DHRSX: variants seen among roughly 807,000 people sequenced by gnomAD.
DHRSX encodes dehydrogenase/reductase X-linked, also known as polyprenol dehydrogenase.
In DHRSX, 31 loss-of-function variants were observed where a neutral mutation model predicts 34.0. That is an observed-to-expected ratio of 0.91 (90% CI 0.69 to 1.23). The LOEUF (loss-of-function observed/expected upper bound fraction) is 1.23, where lower values mean the gene tolerates loss of function less well. Ranked by LOEUF, DHRSX falls within the 50% of genes most tolerant of loss-of-function variation. The probability of loss-of-function intolerance (pLI) is 0.00; values close to 1 mark genes in which losing one functional copy is unlikely to be tolerated. For missense variants in DHRSX, 414 were observed against 428.1 expected (o/e 0.97, Z 0.29); for synonymous variants, 201 against 183.8 (o/e 1.09, Z -0.76).
chrX:2,303,122 G>T (rs1207595216), intron 3 of DHRSX, among the ~76,000 whole-genome samples: 1 of 152,140 alleles, frequency 6.6e-6, no homozygotes, highest in Non-Finnish European at 1.5e-5. Context: ...AAAAACAGCA[G>T]TGTGAATGGA....
At chrX:2,244,767 A>G (rs2016238369) in intron 5 of DHRSX, among the ~76,000 whole-genome samples, 1 of 151,910 alleles carries the variant, frequency 6.6e-6, no homozygotes, top group Non-Finnish European at 1.5e-5. Flanking sequence ...GCTGGAGTAC[A>G]GTGGCGTGAT....
chrX:2,391,705 C>T (rs2043337272), intron 3 of DHRSX, among the ~76,000 whole-genome samples: 2 of 152,132 alleles, frequency 1.3e-5, no homozygotes. Flanking sequence ...GTGGGCAGAT[C>T]ACCTGAGGTC....
At chrX:2,402,458 T>C (rs1312433980) in intron 3 of DHRSX, among the ~76,000 whole-genome samples, 2 of 152,160 alleles carry the variant, frequency 1.3e-5, no homozygotes, top group African/African-American at 4.8e-5. Context: ...TAAGATGTTG[T>C]GGGCAGCAGA....
chrX:2,298,985 CAAAAAAAAAAAAAAAA>C (rs1162323678), intron 3 of DHRSX, among the ~76,000 whole-genome samples: 9 of 88,536 alleles, frequency 1.0e-4, no homozygotes, highest in African/African-American at 4.9e-4. Context: ...AACTCTGTCT[CAAAAAAAAAAAAAAAA>C]AAAAAAAAAA....
At chrX:2,309,781 T>G in intron 3 of DHRSX, among the ~76,000 whole-genome samples, 1 of 152,212 alleles carries the variant, frequency 6.6e-6, no homozygotes, top group Non-Finnish European at 1.5e-5. Context: ...AGTGTGGTGG[T>G]GCATGTCTGC....
intron 3 of DHRSX, among the ~76,000 whole-genome samples, chrX:2,363,094 ATGG>A: frequency 7.9e-6 from 1 of 126,398 alleles, no homozygotes; most frequent in Non-Finnish European, 1.6e-5. Flanking sequence ...TCACCGTTCT[ATGG>A]TATCATGCCG....
chrX:2,287,340 T>C (rs1213813190), intron 4 of DHRSX, among the ~76,000 whole-genome samples: 8 of 151,850 alleles, frequency 5.3e-5, no homozygotes, highest in Admixed American at 3.3e-4. Context: ...GACAGAATAA[T>C]GGCCCCAAAA....
At chrX:2,261,432 T>C (rs35731332) in intron 5 of DHRSX, 106,299 of 151,816 alleles carry the variant, frequency 0.7, 38,565 homozygotes, top group African/African-American at 0.8. Flanking sequence ...TCATTTCTGT[T>C]GGGTGGGGTT....
intron 5 of DHRSX, among the ~76,000 whole-genome samples, chrX:2,249,681 G>T (rs1050279330): frequency 6.6e-6 from 1 of 151,068 alleles, no homozygotes; most frequent in Non-Finnish European, 1.5e-5. Flanking sequence ...CTACCATCAC[G>T]CCCAGCTAAT....
At chrX:2,494,121 A>G (rs2045225949) in intron 1 of DHRSX, among the ~76,000 whole-genome samples, 1 of 151,974 alleles carries the variant, frequency 6.6e-6, no homozygotes, top group South Asian at 2.1e-4. Flanking sequence ...GCAAACATCC[A>G]TATTCTATTA....
chrX:2,256,407 T>C (rs2041279898), intron 5 of DHRSX, among the ~76,000 whole-genome samples: 1 of 151,666 alleles, frequency 6.6e-6, no homozygotes, highest in Non-Finnish European at 1.5e-5. Context: ...ACAATTCTCC[T>C]GCTTCAGCCT....
At chrX:2,359,457 C>A (rs1028401952) in intron 3 of DHRSX, among the ~76,000 whole-genome samples, 2 of 152,110 alleles carry the variant, frequency 1.3e-5, no homozygotes, top group Non-Finnish European at 2.9e-5. Context: ...GCGGGTGGAT[C>A]GCGAGGTCAG....
intron 3 of DHRSX, among the ~76,000 whole-genome samples, chrX:2,352,809 T>C (rs1224703535): frequency 6.6e-6 from 1 of 152,156 alleles, no homozygotes; most frequent in Non-Finnish European, 1.5e-5. Context: ...TGAAGGGCTA[T>C]AGGGACCAGC....
Position 2,357,821 on chromosome X carries a change from C to T in DHRSX, c.286+50924G>A, listed in dbSNP as rs1446374105. On this transcript the variant is annotated intron_variant, in intron 3 of 6. Coordinates refer to ENST00000334651, the MANE Select transcript of DHRSX (RefSeq NM_145177.3). ...TCACTAAGCCATTCATAGGGAAAGA[C>T]AGGCACTGTGTGTCAGATCAAGGAT... Among the ~76,000 whole-genome samples, 3 of 151,782 alleles carry T rather than the reference C, an allele frequency of 2.0e-5. No individual in the cohort carries two copies. The East Asian group carries it at 5.8e-4, about 29-fold the overall frequency.
At chrX:2,468,766 T>A (rs973906844) in intron 1 of DHRSX, among the ~76,000 whole-genome samples, 2 of 150,522 alleles carry the variant, frequency 1.3e-5, no homozygotes, top group Non-Finnish European at 2.9e-5. Flanking sequence ...ACCACCACCG[T>A]GTACACACTG....
At chrX:2,266,020 T>G (rs2041460340) in intron 5 of DHRSX, among the ~76,000 whole-genome samples, 1 of 137,114 alleles carries the variant, frequency 7.3e-6, no homozygotes, top group South Asian at 2.4e-4. Context: ...CAGGAAGCAC[T>G]GTTCCCAGAG....
chrX:2,436,240 C>A (rs1431185429), intron 1 of DHRSX, among the ~76,000 whole-genome samples: 3 of 151,654 alleles, frequency 2.0e-5, no homozygotes, highest in Admixed American at 2.0e-4. Flanking sequence ...TAAAACAAAA[C>A]TAAAAAAATA....
At chrX:2,224,247 G>A (rs1050956645) in intron 6 of DHRSX, among the ~76,000 whole-genome samples, 3 of 36,164 alleles carry the variant, frequency 8.3e-5, no homozygotes, top group Non-Finnish European at 1.3e-4. Context: ...TTCTGCAGCT[G>A]CAGCTTAGGC....
At chrX:2,357,784 T>C (rs1035612721) in intron 3 of DHRSX, among the ~76,000 whole-genome samples, 3 of 151,422 alleles carry the variant, frequency 2.0e-5, no homozygotes, top group African/African-American at 4.9e-5. Flanking sequence ...CAAGCTAAGA[T>C]TTCCAGGCAA....
Sources: allele counts gnomAD v4.1 joint callset (sites outside exome capture counted in the v4.1 genomes callset), GRCh38; gene constraint gnomAD v4.1.1; transcripts MANE v1.5; gene names NCBI Gene and HGNC (gene_info 2026-07-23, HGNC 2026-07-21).